ZNRF1: variants seen among roughly 807,000 people sequenced by gnomAD.
The protein encoded by ZNRF1 is zinc and ring finger 1, also known as E3 ubiquitin-protein ligase ZNRF1.
A neutral mutation model predicts 18.4 loss-of-function variants in ZNRF1; 3 were observed. That is an observed-to-expected ratio of 0.16 (90% CI 0.07 to 0.42). ZNRF1 has a LOEUF of 0.42. Ranked by LOEUF, ZNRF1 falls within the 10% of genes least tolerant of loss-of-function variation. The probability of loss-of-function intolerance (pLI) is 0.99; values close to 1 mark genes in which losing one functional copy is unlikely to be tolerated. For synonymous variants in ZNRF1, 157 were observed against 144.2 expected (o/e 1.09, Z -0.64); for missense variants, 310 against 329.8 (o/e 0.94, Z 0.47).
At chr16:75,093,356 G>T (rs2036162427) in intron 1 of ZNRF1, among the ~76,000 whole-genome samples, 1 of 150,212 alleles carries the variant, frequency 6.7e-6, no homozygotes, top group Admixed American at 6.7e-5. Context: ...CTGCACTCCA[G>T]CCTGGGCGAC....
At chr16:75,098,423 G>A (rs2036223199) in intron 2 of ZNRF1, among the ~76,000 whole-genome samples, 1 of 152,150 alleles carries the variant, frequency 6.6e-6, no homozygotes, top group Non-Finnish European at 1.5e-5. Context: ...CAAAACAATT[G>A]CATTGCACTT....
chr16:75,054,186 C>T (rs776926146), intron 1 of ZNRF1, among the ~76,000 whole-genome samples: 2 of 152,212 alleles, frequency 1.3e-5, no homozygotes, highest in Non-Finnish European at 2.9e-5. Flanking sequence ...TTTCAACAAG[C>T]AAAGTGCATT....
intron 1 of ZNRF1, among the ~76,000 whole-genome samples, chr16:75,061,290 T>C (rs376974190): frequency 1.3e-5 from 2 of 150,768 alleles, no homozygotes; most frequent in African/African-American, 4.9e-5. Context: ...CATCCCCACC[T>C]CCCCCCACAC....
chr16:75,061,291 C>T (rs909834744), intron 1 of ZNRF1, among the ~76,000 whole-genome samples: 2 of 151,902 alleles, frequency 1.3e-5, no homozygotes, highest in African/African-American at 2.4e-5. Context: ...ATCCCCACCT[C>T]CCCCCACACC....
At chr16:75,023,670 C>T (rs764254627) in intron 1 of ZNRF1, among the ~76,000 whole-genome samples, 6 of 149,918 alleles carry the variant, frequency 4.0e-5, no homozygotes, top group Non-Finnish European at 5.9e-5. Flanking sequence ...GGTGAAAGAG[C>T]GAAACTCCAT....
Position 74,999,519 on chromosome 16 carries a change from T to C in ZNRF1, c.-153T>C. 1 of 547,046 alleles carries C rather than the reference T, an allele frequency of 1.8e-6. No individual in the cohort carries two copies. 33.9% of individuals were successfully genotyped at this position (547,046 alleles called of 1,614,324 possible). ...TGCCTCTTCCGCCCCGCGGGTTTTT[T>C]CCTTTTTTCCTTTTGCTTTTTTTCC... On this transcript the variant is annotated 5_prime_UTR_variant, in exon 1 of 5. Coordinates refer to ENST00000335325, the MANE Select transcript of ZNRF1 (RefSeq NM_032268.5).
chr16:75,069,509 G>A (rs1044349155), intron 1 of ZNRF1, among the ~76,000 whole-genome samples: 1 of 152,172 alleles, frequency 6.6e-6, no homozygotes, highest in Admixed American at 6.5e-5. Flanking sequence ...CACCTCCTGG[G>A]TTCAAGCAAT....
intron 1 of ZNRF1, among the ~76,000 whole-genome samples, chr16:75,085,974 G>A (rs1408618521): frequency 1.3e-5 from 2 of 152,084 alleles, no homozygotes; most frequent in African/African-American, 4.8e-5. Context: ...GAAGGCCTGA[G>A]AACCAGGAGA....
chr16:75,042,445 T>TA (rs1406383216), intron 1 of ZNRF1, among the ~76,000 whole-genome samples: 24 of 33,556 alleles, frequency 7.2e-4, no homozygotes, highest in East Asian at 4.1e-3. Context: ...GTTTCTTTCT[T>TA]TTTTTTTTTT....
At chr16:75,100,739 C>G (rs796079506) in intron 2 of ZNRF1, among the ~76,000 whole-genome samples, 1 of 152,178 alleles carries the variant, frequency 6.6e-6, no homozygotes, top group Non-Finnish European at 1.5e-5. Context: ...GGAAGGAATG[C>G]TTTAGAGGAA....
intron 1 of ZNRF1, among the ~76,000 whole-genome samples, chr16:75,036,929 T>C (rs551849794): frequency 2.0e-5 from 3 of 152,204 alleles, no homozygotes; most frequent in Non-Finnish European, 4.4e-5. Flanking sequence ...TCCAGTTGTG[T>C]TGATTTGGGA....
At chr16:75,060,830 C>T (rs1313385687) in intron 1 of ZNRF1, among the ~76,000 whole-genome samples, 4 of 152,034 alleles carry the variant, frequency 2.6e-5, no homozygotes, top group African/African-American at 9.7e-5. Context: ...GGTAGAATTC[C>T]AAGGTCATCT....
In ZNRF1 at chr16:75,108,613, C is replaced by T; in HGVS notation, c.*913C>T. The T allele has an allele frequency of 2.5e-6, 1 of 398,734 alleles. No homozygotes were observed. Among genetic ancestry groups the T allele is most frequent in the East Asian group, 3.6e-5 (1 of 28,060 alleles). The allele number at this position is 398,734 out of a possible 1,614,324, so 24.7% of individuals were successfully genotyped here. A position where few individuals can be genotyped will look rare whatever the true frequency, so the allele number is the denominator to read the frequency against. On this transcript the variant is annotated 3_prime_UTR_variant, in exon 5 of 5. Transcript: ENST00000335325. ...TTATATATTAAAATACAAAAAAAAA[C>T]TTATAAAATGTTTAAAAAAATGTTC...
chr16:75,099,443 C>T (rs966056463), intron 2 of ZNRF1, among the ~76,000 whole-genome samples: 7 of 152,262 alleles, frequency 4.6e-5, no homozygotes, highest in African/African-American at 1.2e-4. Flanking sequence ...GCTCCAGGGC[C>T]GTGCTCGCCA....
chr16:75,108,367 T>C lies in ZNRF1; in HGVS notation c.*667T>C. 2.6e-6 allele frequency: 1 copy of C among 387,538 alleles called. No homozygotes were observed. Among genetic ancestry groups the C allele is most frequent in the Non-Finnish European group, 4.5e-6 (1 of 220,436 alleles). The allele number at this position is 387,538 out of a possible 1,614,324, so 24.0% of individuals were successfully genotyped here. Reference sequence around the variant, plus strand: ...CTCTTTTCCCTTCTTTCCTCCTGGTTCCGGTCAGTTCAGAGGATTTAACAA... The same window carrying C: ...CTCTTTTCCCTTCTTTCCTCCTGGTCCCGGTCAGTTCAGAGGATTTAACAA... On this transcript the variant is annotated 3_prime_UTR_variant, in exon 5 of 5. Coordinates refer to ENST00000335325, the MANE Select transcript of ZNRF1 (RefSeq NM_032268.5).
At chr16:75,054,833 A>T (rs1356530673) in intron 1 of ZNRF1, among the ~76,000 whole-genome samples, 2 of 152,166 alleles carry the variant, frequency 1.3e-5, no homozygotes, top group Non-Finnish European at 2.9e-5. Flanking sequence ...TTTGGCCTTC[A>T]CTGCCCACAT....
Position 75,104,853 on chromosome 16 carries a change from T to G in ZNRF1, c.590T>G (p.Ile197Arg). ...CLEELLQGDT[I>R]ARLPCLCIYH... ...GAGGAGCTGCTGCAGGGGGACACGA[T>G]AGCCAGGCTGCCCTGCCTGTGCATC... is the stretch of plus-strand genomic sequence containing the variant. Residue 197 changes from isoleucine to arginine, a missense_variant, in exon 3 of 5, where the codon ATA becomes AGA. Coordinates refer to ENST00000335325, the MANE Select transcript of ZNRF1 (RefSeq NM_032268.5). The G allele has an allele frequency of 6.2e-7, 1 of 1,609,814 alleles. No homozygotes were observed. Among genetic ancestry groups the G allele is most frequent in the Non-Finnish European group, 8.5e-7 (1 of 1,178,644 alleles).
At chr16:75,012,684 G>T (rs549919268) in intron 1 of ZNRF1, among the ~76,000 whole-genome samples, 1 of 152,282 alleles carries the variant, frequency 6.6e-6, no homozygotes, top group South Asian at 2.1e-4. Context: ...AAACTTTTCT[G>T]CCAACCTAGC....
intron 1 of ZNRF1, among the ~76,000 whole-genome samples, chr16:75,074,118 G>A (rs1353208393): frequency 6.6e-6 from 1 of 152,046 alleles, no homozygotes; most frequent in Non-Finnish European, 1.5e-5. Context: ...TGCTCCTTCC[G>A]CGTGCATGTG....
Sources: allele counts gnomAD v4.1 joint callset (sites outside exome capture counted in the v4.1 genomes callset), GRCh38; gene constraint gnomAD v4.1.1; transcripts MANE v1.5; gene names NCBI Gene and HGNC (gene_info 2026-07-23, HGNC 2026-07-21).